Variants in LRRK1 observed in about 807,000 individuals in gnomAD.
LRRK1 encodes leucine rich repeat kinase 1.
In LRRK1, 113 loss-of-function variants were observed where a neutral mutation model predicts 209.1. The ratio of observed to expected loss-of-function variants is 0.54; its 90% CI spans 0.46 to 0.63. The LOEUF (loss-of-function observed/expected upper bound fraction) is 0.63, where lower values mean the gene tolerates loss of function less well. Ranked by LOEUF, LRRK1 falls within the 30% of genes least tolerant of loss-of-function variation. The probability of loss-of-function intolerance (pLI) is 0.00; values close to 1 mark genes in which losing one functional copy is unlikely to be tolerated. For synonymous variants in LRRK1, 1,144 were observed against 1,099.7 expected (o/e 1.04, Z -0.80); for missense variants, 2,284 against 2,632.2 (o/e 0.87, Z 2.89).
intron 13 of LRRK1, 55 bp downstream of exon 13, chr15:101,021,237 C>A: frequency 6.3e-7 from 1 of 1,599,500 alleles, no homozygotes; most frequent in Non-Finnish European, 8.6e-7. Flanking sequence ...AGAGGCAGAA[C>A]GCCCATCCCT....
Position 101,074,470 on chromosome 15 carries a change from C to T in LRRK1, c.*5622C>T, listed in dbSNP as rs2036912133. On this transcript the variant is annotated 3_prime_UTR_variant, in exon 34 of 34. Transcript: ENST00000388948. The stretch of plus-strand genomic sequence containing the variant: ...GGCTCTTTTTCATCAAATATAAAAA[C>T]CCAGCCCAGTTCATGCCTCGTTTGG... 1.3e-5 allele frequency: 2 copies of T among 152,136 alleles called. No individual in the cohort carries two copies. The highest frequency in any genetic ancestry group is 1.9e-4 in the East Asian group (1 of 5,202). 9.4% of individuals were successfully genotyped at this position (152,136 alleles called of 1,614,324 possible). A position where few individuals can be genotyped will look rare whatever the true frequency, so the allele number is the denominator to read the frequency against.
chr15:101,026,060 C>G lies in LRRK1; in HGVS notation c.2328C>G (p.Ala776=), dbSNP rs972179032. 6.2e-7 allele frequency: 1 copy of G among 1,614,278 alleles called. No homozygotes were observed. ...FRVERIATLR[A]YVLALCRSPS... ...TGGAAAGGATTGCAACGCTGCGTGC[C>G]TATGTGCTGGCACTCTGCCGCTCCC... The change falls in exon 17 of 34, where the codon GCC becomes GCG. Residue 776 remains alanine (A), a synonymous_variant. Coordinates refer to ENST00000388948, the MANE Select transcript of LRRK1 (RefSeq NM_024652.6).
At chr15:100,983,964 T>C in intron 4 of LRRK1, 1 of 500,354 alleles carries the variant, frequency 2.0e-6, no homozygotes, top group East Asian at 4.5e-5. Flanking sequence ...TTAATAGACC[T>C]TGGTCTTTTT....
At chr15:101,035,242 T>A (rs1488877047) in intron 20 of LRRK1, among the ~76,000 whole-genome samples, 9 of 152,126 alleles carry the variant, frequency 5.9e-5, no homozygotes, top group Non-Finnish European at 1.0e-4. Flanking sequence ...ATCTGTCTAA[T>A]GCTGAGAGTG....
Position 100,950,147 on chromosome 15 carries a change from A to C in LRRK1, c.98-23657A>C, listed in dbSNP as rs7178107. On this transcript the variant is annotated intron_variant, in intron 2 of 33. Coordinates refer to ENST00000388948, the MANE Select transcript of LRRK1 (RefSeq NM_024652.6). ...ACAATTAGAACTAATAGTTCAGCAA[A>C]TTTGCAGGATGCAAGATCAAAATGT... Among the ~76,000 whole-genome samples, 1,288 of 152,368 alleles carry C rather than the reference A, an allele frequency of 8.5e-3. 19 individuals are homozygous for C. The highest frequency in any genetic ancestry group is 0.027 in the African/African-American group (1,127 of 41,580).
At chr15:100,941,370 GTA>G (rs2042415940) in intron 2 of LRRK1, among the ~76,000 whole-genome samples, 2 of 73,014 alleles carry the variant, frequency 2.7e-5, no homozygotes, top group African/African-American at 7.2e-5. Flanking sequence ...GTGTGTGCCT[GTA>G]TGTGTGTGTC....
In LRRK1 at chr15:101,056,987, G is replaced by A; in HGVS notation, c.4464G>A (p.Glu1488=). Residue 1488 remains glutamate, a synonymous_variant, in exon 28 of 34, where the codon GAG becomes GAA. Coordinates refer to ENST00000388948, the MANE Select transcript of LRRK1 (RefSeq NM_024652.6). The part of the protein sequence containing the change: ...KGIRPVLGQP[E]EVQFRRLQAL... Reference sequence around the variant, plus strand: ...TCCGCCCGGTTCTGGGGCAGCCGGAGGAAGTGCAGTTCCGGCGACTGCAGG... The same window carrying A: ...TCCGCCCGGTTCTGGGGCAGCCGGAAGAAGTGCAGTTCCGGCGACTGCAGG... The A allele has an allele frequency of 1.2e-6, 2 of 1,614,138 alleles. No individual in the cohort carries two copies. Among genetic ancestry groups the A allele is most frequent in the Non-Finnish European group, 1.7e-6 (2 of 1,180,010 alleles).
Position 100,947,008 on chromosome 15 carries a change from T to C in LRRK1, c.97+22279T>C, listed in dbSNP as rs1328674150. ...TTTTTTGAGACGGAGTCCTGCTCTG[T>C]CACCAGGCTGGAGTGCAGTGTCACG... On this transcript the variant is annotated intron_variant, in intron 2 of 33. Coordinates refer to ENST00000388948, the MANE Select transcript of LRRK1 (RefSeq NM_024652.6). 2.6e-5 allele frequency among the ~76,000 whole-genome samples: 4 copies of C among 152,146 alleles called. No individual in the cohort carries two copies. In the East Asian group the frequency reaches 7.7e-4, roughly 29 times the overall value.
intron 11 of LRRK1, 123 bp from the exon 12 acceptor site, chr15:101,015,203 A>G (rs925702462): frequency 9.6e-6 from 7 of 728,474 alleles, no homozygotes; most frequent in Non-Finnish European, 1.2e-5. Flanking sequence ...CGCCCCTGCC[A>G]GGCCCTGAAG....
intron 3 of LRRK1, 101 bp downstream of exon 3, chr15:100,974,068 G>A (rs1366249612): frequency 9.9e-7 from 1 of 1,006,354 alleles, no homozygotes; most frequent in Non-Finnish European, 1.3e-6. Context: ...GGTAATGGGC[G>A]TTTTTACTGT....
chr15:101,029,117 A>C lies in LRRK1; in HGVS notation c.2848A>C (p.Arg950=), dbSNP rs777439659. The C allele has an allele frequency of 5.6e-6, 9 of 1,614,230 alleles. No homozygotes were observed. Among genetic ancestry groups the C allele is most frequent in the Non-Finnish European group, 7.6e-6 (9 of 1,180,038 alleles). ...SRSVAKNGVI[R]AEDLRMLLVG... ...GTCAGTGGCCAAGAATGGGGTGATC[A>C]GAGCAGAAGACCTCAGGATGCTGCT... is the stretch of plus-strand genomic sequence containing the variant. The change falls in exon 20 of 34, where the codon AGA becomes CGA. Residue 950 remains arginine (R), a synonymous_variant. Transcript: ENST00000388948.
intron 30 of LRRK1, among the ~76,000 whole-genome samples, chr15:101,061,592 C>T (rs1438011313): frequency 6.6e-6 from 1 of 152,172 alleles, no homozygotes; most frequent in African/African-American, 2.4e-5. Context: ...CTGTGTTTCC[C>T]ATAACACTGC....
At chr15:100,940,802 T>G (rs577598585) in intron 2 of LRRK1, among the ~76,000 whole-genome samples, 107 of 152,222 alleles carry the variant, frequency 7.0e-4, no homozygotes, top group Non-Finnish European at 1.3e-3. Context: ...GGATGAACAG[T>G]TGACAATACC....
At chr15:101,059,385 G>A (rs1319484854) in intron 29 of LRRK1, among the ~76,000 whole-genome samples, 2 of 151,330 alleles carry the variant, frequency 1.3e-5, no homozygotes, top group African/African-American at 2.4e-5. Flanking sequence ...GTGACAGAGT[G>A]AGACCCTGCC....
At chr15:101,067,447 G>A (rs2036598199) in intron 33 of LRRK1, 3 of 343,076 alleles carry the variant, frequency 8.7e-6, no homozygotes, top group Non-Finnish European at 1.8e-5. Flanking sequence ...GTGTGTGTGT[G>A]TGTGTGTGTG....
At chr15:101,017,014 T>C (rs1165733985) in intron 12 of LRRK1, among the ~76,000 whole-genome samples, 1 of 152,240 alleles carries the variant, frequency 6.6e-6, no homozygotes, top group African/African-American at 2.4e-5. Context: ...GGTATGGAGC[T>C]GTCCCTTTCA....
At chr15:101,048,765 G>C in intron 22 of LRRK1, 108 bp downstream of exon 22, 1 of 937,202 alleles carries the variant, frequency 1.1e-6, no homozygotes, top group Non-Finnish European at 1.5e-6. Flanking sequence ...AATTTTGCTC[G>C]TGAGAGCGGC....
At chr15:100,924,097 G>A (rs140111349) in intron 1 of LRRK1, among the ~76,000 whole-genome samples, 26 of 152,304 alleles carry the variant, frequency 1.7e-4, no homozygotes, top group East Asian at 1.4e-3. Context: ...GCCTTGTATC[G>A]TGACTAACCT....
chr15:101,004,702 A>G (rs1035382989), intron 6 of LRRK1, among the ~76,000 whole-genome samples: 2 of 152,190 alleles, frequency 1.3e-5, no homozygotes, highest in Non-Finnish European at 2.9e-5. Flanking sequence ...CCCAGAGTCC[A>G]CGTGGAGTTA....
Sources: allele counts gnomAD v4.1 joint callset (sites outside exome capture counted in the v4.1 genomes callset), GRCh38; gene constraint gnomAD v4.1.1; transcripts MANE v1.5; gene names NCBI Gene and HGNC (gene_info 2026-07-23, HGNC 2026-07-21).